Variants in MAEL observed in about 807,000 individuals in gnomAD.
The protein encoded by MAEL is protein maelstrom homolog.
In MAEL, 46 loss-of-function variants were observed where a neutral mutation model predicts 62.0. That is an observed-to-expected ratio of 0.74 (90% CI 0.59 to 0.95). The LOEUF (loss-of-function observed/expected upper bound fraction) is 0.95, where lower values mean the gene tolerates loss of function less well. Among genes scored for constraint, MAEL ranks in the 40% least tolerant of loss-of-function variants. The probability of loss-of-function intolerance (pLI) is 0.00; values close to 1 mark genes in which losing one functional copy is unlikely to be tolerated. For missense variants in MAEL, 497 were observed against 526.8 expected, an observed-to-expected ratio of 0.94 and a Z score of 0.55; for synonymous variants, 172 against 175.5, an observed-to-expected ratio of 0.98 and a Z score of 0.16.
At chr1:167,004,885 GCT>G in intron 6 of MAEL, among the ~76,000 whole-genome samples, 189 bp from the exon 7 acceptor site, 1 of 152,142 alleles carries the variant, frequency 6.6e-6, no homozygotes, top group Middle Eastern at 3.4e-3. Context: ...ACTAATAATA[GCT>G]GTAGTCTTTT....
chr1:167,009,218 T>C (rs765398523), intron 8 of MAEL, among the ~76,000 whole-genome samples: 5 of 152,196 alleles, frequency 3.3e-5, no homozygotes, highest in Admixed American at 6.5e-5. Context: ...GCCTTAAAAG[T>C]TAAAGTTTGC....
intron 10 of MAEL, among the ~76,000 whole-genome samples, chr1:167,018,990 T>C (rs775011155): frequency 3.3e-5 from 5 of 152,190 alleles, no homozygotes; most frequent in Non-Finnish European, 7.3e-5. Context: ...AAAGTTTTAC[T>C]GTATGATAAT....
chr1:167,002,267 G>A (rs550527996), intron 5 of MAEL, among the ~76,000 whole-genome samples: 4 of 152,156 alleles, frequency 2.6e-5, no homozygotes, highest in African/African-American at 7.2e-5. Context: ...TTATAAAATG[G>A]GTTTGGGAAT....
chr1:167,019,485 T>G (rs1311597777), intron 10 of MAEL, among the ~76,000 whole-genome samples: 1 of 152,150 alleles, frequency 6.6e-6, no homozygotes, highest in African/African-American at 2.4e-5. Flanking sequence ...AACCTTCCTG[T>G]GGGTTTTCTC....
rs530457241 is a variant in MAEL at position 167,016,254 on chromosome 1, T to C, written c.878T>C (p.Phe293Ser). The change falls in exon 9 of 12, where the codon TTC becomes TCC. Residue 293 changes from phenylalanine to serine, a missense_variant. Physicochemically the swap from Phe to Ser is radical, Grantham distance 155 (BLOSUM62 -2). Transcript: ENST00000367872. Reference sequence around the variant, plus strand: ...TGGCATGAAGAAAATGATATTCTCTTCTGTGCTTTAGCTGTTTGCAAGAAG... The same window carrying C: ...TGGCATGAAGAAAATGATATTCTCTCCTGTGCTTTAGCTGTTTGCAAGAAG... ...CKWHEENDIL[F>S]CALAVCKKIA... is the part of the protein sequence containing the mutation. 40 of 1,613,744 alleles carry C rather than the reference T, an allele frequency of 2.5e-5. No individual in the cohort carries two copies. The South Asian group carries it at 4.2e-4, about 17-fold the overall frequency.
intron 10 of MAEL, among the ~76,000 whole-genome samples, chr1:167,019,471 G>C (rs1003578339): frequency 1.3e-5 from 2 of 152,012 alleles, no homozygotes; most frequent in African/African-American, 2.4e-5. Context: ...CCCAACTCCT[G>C]AGAAACCTTC....
At chr1:167,015,562 T>C (rs184896340) in intron 8 of MAEL, among the ~76,000 whole-genome samples, 1 of 152,320 alleles carries the variant, frequency 6.6e-6, no homozygotes, top group Non-Finnish European at 1.5e-5. Flanking sequence ...ATAACAGCTC[T>C]TGTCATGAAA....
chr1:166,988,571 G>A (rs916185283), upstream of MAEL, among the ~76,000 whole-genome samples: 2 of 151,946 alleles, frequency 1.3e-5, no homozygotes, highest in East Asian at 3.9e-4. Flanking sequence ...ACTAGTATAA[G>A]AGATCAGCAG....
rs145589654 is a variant in MAEL, at chr1:167,007,303, TG to T, written c.845+1907del. Among the ~76,000 whole-genome samples, 638 of 152,318 alleles carry T rather than the reference TG, an allele frequency of 4.2e-3. 7 individuals carry two copies. Among genetic ancestry groups the T allele is most frequent in the African/African-American group, 0.015 (615 of 41,578 alleles). On this transcript the variant is annotated intron_variant, in intron 8 of 11. Transcript: ENST00000367872. ...GAGTACCTTCAAGCAGGGGTTTGTG[TG>T]TCCTTTTGACATTGCTTCATTGCTT...
intron 1 of MAEL, among the ~76,000 whole-genome samples, chr1:166,978,277 C>T (rs1034854935): frequency 3.3e-5 from 5 of 152,132 alleles, no homozygotes; most frequent in East Asian, 3.9e-4. Context: ...GAGTGAGTGG[C>T]GCCCAGGCCA....
chr1:166,996,327 G>GA (rs568924785), intron 5 of MAEL, among the ~76,000 whole-genome samples: 32 of 152,324 alleles, frequency 2.1e-4, no homozygotes, highest in African/African-American at 7.7e-4. Flanking sequence ...AACTATGAGT[G>GA]AGAGTATAGG....
chr1:166,988,299 G>A (rs1332580468), upstream of MAEL, among the ~76,000 whole-genome samples: 6 of 149,780 alleles, frequency 4.0e-5, no homozygotes, highest in African/African-American at 7.4e-5. Context: ...GCAGTGAGCC[G>A]GGATCGTGCC....
At chr1:167,013,797 CAA>C (rs752088151) in intron 8 of MAEL, among the ~76,000 whole-genome samples, 13 of 152,142 alleles carry the variant, frequency 8.5e-5, no homozygotes, top group Non-Finnish European at 1.8e-4. Flanking sequence ...GGAAAGCAGA[CAA>C]GAGAGATGTT....
intron 1 of MAEL, among the ~76,000 whole-genome samples, chr1:166,978,896 G>A (rs2102055572): frequency 6.6e-6 from 1 of 152,290 alleles, no homozygotes; most frequent in South Asian, 2.1e-4. Context: ...GACCTGTATG[G>A]GACCAGAACA....
At chr1:166,994,422 T>G (rs972953266) in intron 5 of MAEL, among the ~76,000 whole-genome samples, 1 of 152,180 alleles carries the variant, frequency 6.6e-6, no homozygotes, top group African/African-American at 2.4e-5. Flanking sequence ...TTTTATAAGT[T>G]AATACTTCAA....
intron 5 of MAEL, among the ~76,000 whole-genome samples, chr1:166,998,750 A>T (rs1016777436): frequency 5.3e-5 from 8 of 151,872 alleles, no homozygotes; most frequent in Admixed American, 6.6e-5. Context: ...ATTTTTTTAC[A>T]CATTGAGGTT....
At chr1:166,978,556 A>C (rs1163673703) in intron 1 of MAEL, among the ~76,000 whole-genome samples, 1 of 152,168 alleles carries the variant, frequency 6.6e-6, no homozygotes, top group Non-Finnish European at 1.5e-5. Flanking sequence ...GTGTTTGCTT[A>C]AACACAGATT....
intron 8 of MAEL, 76 bp downstream of exon 8, chr1:167,005,473 G>C (rs1664853552): frequency 8.0e-7 from 1 of 1,256,138 alleles, no homozygotes; most frequent in Admixed American, 2.4e-5. Flanking sequence ...GACTATTTTT[G>C]CCTTTTTATG....
intron 3 of MAEL, among the ~76,000 whole-genome samples, chr1:166,991,957 A>C (rs1005501542): frequency 9.2e-5 from 14 of 152,336 alleles, no homozygotes; most frequent in African/African-American, 3.4e-4. Flanking sequence ...TCAAAACTAC[A>C]TTGTACCTCA....
Sources: gnomAD v4.1 joint callset for allele counts (sites outside exome capture counted in the v4.1 genomes callset) on GRCh38, gnomAD v4.1.1 for gene constraint, MANE v1.5 for transcripts, NCBI Gene and HGNC (gene_info 2026-07-23, HGNC 2026-07-21) for gene names.